The following TNR variants were observed in gnomAD, a reference collection of about 807,000 sequenced individuals.
TNR encodes tenascin-R.
Under a neutral mutation model 150.4 loss-of-function variants are expected in TNR, and 45 were observed. That is an observed-to-expected ratio of 0.30 (90% CI 0.24 to 0.38). The LOEUF (loss-of-function observed/expected upper bound fraction) is 0.38. Ranked by LOEUF, TNR falls within the 10% of genes least tolerant of loss-of-function variation. The pLI, the probability that TNR is intolerant of heterozygous loss-of-function variation, is 1.00. For missense variants in TNR, 1,544 were observed against 1,759.1 expected (o/e 0.88, Z 2.19); for synonymous variants, 687 against 678.4 (o/e 1.01, Z -0.20).
chr1:175,693,359 A>G (rs1474002543), intron 1 of TNR, among the ~76,000 whole-genome samples: 1 of 152,144 alleles, frequency 6.6e-6, no homozygotes, highest in Non-Finnish European at 1.5e-5. Context: ...TGTGGCATCA[A>G]ATTAACCATC....
chr1:175,505,449 G>A (rs1010539988), intron 2 of TNR, among the ~76,000 whole-genome samples: 4 of 152,236 alleles, frequency 2.6e-5, no homozygotes, highest in Non-Finnish European at 4.4e-5. Context: ...GGACGCAGGG[G>A]CTTTTTCCAG....
At chr1:175,638,817 G>A (rs961925645) in intron 1 of TNR, among the ~76,000 whole-genome samples, 16 of 152,036 alleles carry the variant, frequency 1.1e-4, no homozygotes, top group African/African-American at 3.1e-4. Context: ...GTCCTTGTTG[G>A]CATCTAGAAT....
chr1:175,384,120 T>A (rs1438148900), intron 8 of TNR, among the ~76,000 whole-genome samples: 1 of 152,204 alleles, frequency 6.6e-6, no homozygotes, highest in Non-Finnish European at 1.5e-5. Flanking sequence ...CTCCTCTCCT[T>A]TTTGCCGCTT....
At chr1:175,539,552 G>A (rs929241911) in intron 1 of TNR, among the ~76,000 whole-genome samples, 8 of 152,180 alleles carry the variant, frequency 5.3e-5, no homozygotes, top group Non-Finnish European at 1.0e-4. Context: ...AGACCTGCTG[G>A]CTCTGGAAGG....
In TNR at chr1:175,324,435, G is replaced by C; in HGVS notation, c.3878C>G (p.Ser1293Trp). 1.9e-6 allele frequency: 3 copies of C among 1,614,050 alleles called. No homozygotes were observed. The highest frequency in any genetic ancestry group is 2.5e-6 in the Non-Finnish European group (3 of 1,179,988). The change falls in exon 22 of 23, where the codon TCG becomes TGG. Residue 1293 changes from serine (S) to tryptophan (W), a missense_variant. Around this residue, in one of 2 missense-constraint regions of TNR, gnomAD observed 290 missense variants for 429.7 expected, o/e 0.67. Coordinates refer to ENST00000367674, the MANE Select transcript of TNR (RefSeq NM_003285.3). The stretch of plus-strand genomic sequence containing the variant: ...CTTATACCACCATGCTCCCTTGTAC[G>C]ACATGGCACAGTTAGTCACTGCAAC... ...NDVAVTNCAM[S>W]YKGAWWYKNC...
chr1:175,660,958 G>C (rs1168763318), intron 1 of TNR, among the ~76,000 whole-genome samples: 1 of 152,204 alleles, frequency 6.6e-6, no homozygotes, highest in Non-Finnish European at 1.5e-5. Flanking sequence ...TGGCATTAAT[G>C]TCTGGCACCC....
chr1:175,694,886 A>G (rs1666468057), intron 1 of TNR, among the ~76,000 whole-genome samples: 1 of 152,226 alleles, frequency 6.6e-6, no homozygotes, highest in Non-Finnish European at 1.5e-5. Context: ...CTCCAGTACC[A>G]TGAGAAAGTC....
chr1:175,473,080 C>A (rs1258969152), intron 2 of TNR, among the ~76,000 whole-genome samples: 2 of 152,104 alleles, frequency 1.3e-5, no homozygotes, highest in African/African-American at 4.8e-5. Flanking sequence ...CAGGATTAGC[C>A]CTTAGCATTT....
At chr1:175,606,981 C>T (rs924210112) in intron 1 of TNR, among the ~76,000 whole-genome samples, 1 of 152,214 alleles carries the variant, frequency 6.6e-6, no homozygotes, top group Non-Finnish European at 1.5e-5. Context: ...TCCTGCTTCA[C>T]TTCCTCCCTT....
At chr1:175,675,151 A>C (rs1449661994) in intron 1 of TNR, among the ~76,000 whole-genome samples, 1 of 152,256 alleles carries the variant, frequency 6.6e-6, no homozygotes, top group Non-Finnish European at 1.5e-5. Flanking sequence ...GCAGCCAGGC[A>C]GACAAGGACC....
At chr1:175,425,235 G>A (rs1179236069) in intron 2 of TNR, among the ~76,000 whole-genome samples, 1 of 152,160 alleles carries the variant, frequency 6.6e-6, no homozygotes, top group Non-Finnish European at 1.5e-5. Flanking sequence ...GCACTCAACA[G>A]AATCTAGTCT....
chr1:175,590,468 A>G (rs1332376500), intron 1 of TNR, among the ~76,000 whole-genome samples: 1 of 152,198 alleles, frequency 6.6e-6, no homozygotes, highest in East Asian at 1.9e-4. Flanking sequence ...GGTCCTGTTG[A>G]GGCATTGGTA....
At chr1:175,688,029 C>T (rs532300784) in intron 1 of TNR, among the ~76,000 whole-genome samples, 14 of 152,252 alleles carry the variant, frequency 9.2e-5, no homozygotes, top group African/African-American at 2.9e-4. Context: ...TGGGTCAGAG[C>T]GCTGTACTCC....
intron 2 of TNR, among the ~76,000 whole-genome samples, chr1:175,448,367 A>G (rs973962254): frequency 6.6e-6 from 1 of 152,094 alleles, no homozygotes; most frequent in African/African-American, 2.4e-5. Context: ...GTGTGCCACC[A>G]CGCCTGGCTA....
intron 1 of TNR, among the ~76,000 whole-genome samples, chr1:175,630,879 A>G (rs578260308): frequency 6.6e-6 from 1 of 152,342 alleles, no homozygotes; most frequent in African/African-American, 2.4e-5. Flanking sequence ...CAAGGGGAGC[A>G]GGGCAGGGCC....
At chr1:175,374,255 C>A (rs1652263098) in intron 9 of TNR, among the ~76,000 whole-genome samples, 1 of 152,142 alleles carries the variant, frequency 6.6e-6, no homozygotes, top group Non-Finnish European at 1.5e-5. Flanking sequence ...GCCAGTGTAC[C>A]CTGAGGAGCC....
chr1:175,499,331 A>G (rs987230933), intron 2 of TNR, among the ~76,000 whole-genome samples: 3 of 152,270 alleles, frequency 2.0e-5, no homozygotes, highest in Non-Finnish European at 4.4e-5. Flanking sequence ...AATATGGGCC[A>G]GCAGAACTCT....
intron 1 of TNR, among the ~76,000 whole-genome samples, chr1:175,619,570 GA>G (rs1176883305): frequency 6.6e-6 from 1 of 152,086 alleles, no homozygotes; most frequent in Non-Finnish European, 1.5e-5. Flanking sequence ...CTTTGGACCT[GA>G]AAAAAGAGTA....
intron 10 of TNR, 63 bp from the exon 11 acceptor site, chr1:175,366,201 C>T: frequency 6.7e-7 from 1 of 1,501,494 alleles, no homozygotes. Context: ...ATTTATTGGC[C>T]TGCTTTGTGT....
Sources: allele counts gnomAD v4.1 joint callset (sites outside exome capture counted in the v4.1 genomes callset), GRCh38; gene constraint gnomAD v4.1.1; regional missense constraint gnomAD v4.1.1; transcripts MANE v1.5; gene names NCBI Gene and HGNC (gene_info 2026-07-23, HGNC 2026-07-21).